RCBTB2: variants seen among roughly 807,000 people sequenced by gnomAD.
The protein encoded by RCBTB2 is RCC1 and BTB domain containing protein 2.
In RCBTB2, 55 loss-of-function variants were observed where a neutral mutation model predicts 65.4. That is an observed-to-expected ratio of 0.84 (90% CI 0.68 to 1.05). The LOEUF (loss-of-function observed/expected upper bound fraction) is 1.05. Ranked by LOEUF, RCBTB2 falls within the 50% of genes least tolerant of loss-of-function variation. RCBTB2 has a pLI of 0.00. For missense variants in RCBTB2, 599 were observed against 680.1 expected (o/e 0.88, Z 1.33); for synonymous variants, 220 against 255.2 (o/e 0.86, Z 1.31).
intron 13 of RCBTB2, among the ~76,000 whole-genome samples, chr13:48,499,111 A>ACACACACACACACACACAC (rs1950107608): frequency 9.4e-6 from 1 of 105,858 alleles, no homozygotes; most frequent in African/African-American, 4.3e-5. Flanking sequence ...CCCCCACCCC[A>ACACACACACACACACACAC]ACACACACAC....
At chr13:48,527,361 T>TATGATATA in intron 1 of RCBTB2, among the ~76,000 whole-genome samples, 2,766 of 112,248 alleles carry the variant, frequency 0.025, 266 homozygotes, top group African/African-American at 0.14. Flanking sequence ...TGATATATAT[T>TATGATATA]TATATATGAT....
At chr13:48,504,837 G>T (rs1950412053) in intron 10 of RCBTB2, among the ~76,000 whole-genome samples, 1 of 152,184 alleles carries the variant, frequency 6.6e-6, no homozygotes, top group Non-Finnish European at 1.5e-5. Flanking sequence ...AACCAGGAGG[G>T]AGGTGTTATC....
At chr13:48,535,867 T>C (rs1952355083), upstream of RCBTB2, 1 of 403,698 alleles carries the variant, frequency 2.5e-6, no homozygotes, top group African/African-American at 2.1e-5. Flanking sequence ...GACTTCTCTA[T>C]CTTCTCGTTC....
intron 10 of RCBTB2, among the ~76,000 whole-genome samples, chr13:48,506,790 C>G (rs1173893361): frequency 2.0e-5 from 3 of 152,212 alleles, no homozygotes; most frequent in Non-Finnish European, 4.4e-5. Context: ...CTCTTCCTTT[C>G]TTCAGATTTT....
chr13:48,512,067 C>T lies in RCBTB2; in HGVS notation c.624G>A (p.Val208=), dbSNP rs1259138688. The part of the protein sequence containing the change: ...VTGCLQNKVV[V]TIACGQMCCM... ...AGCACATCTGCCCACATGCTATGGTCACAACTACTTTATTTTGTAGGCAGC... is the reference window on the plus strand; with the variant it reads ...AGCACATCTGCCCACATGCTATGGTTACAACTACTTTATTTTGTAGGCAGC... The change falls in exon 8 of 15, where the codon GTG becomes GTA. Residue 208 remains valine, a synonymous_variant. Transcript: ENST00000344532. The T allele has an allele frequency of 6.2e-7, 1 of 1,614,230 alleles. No individual in the cohort carries two copies.
intron 1 of RCBTB2, among the ~76,000 whole-genome samples, chr13:48,527,361 T>TTATATATTATATA (rs1212014452): frequency 8.9e-6 from 1 of 112,446 alleles, no homozygotes; most frequent in African/African-American, 5.5e-5. Flanking sequence ...TGATATATAT[T>TTATATATTATATA]TATATATGAT....
chr13:48,514,483 T>C (rs1458996974), intron 6 of RCBTB2, among the ~76,000 whole-genome samples: 2 of 152,276 alleles, frequency 1.3e-5, no homozygotes, highest in Non-Finnish European at 2.9e-5. Context: ...GGGAGACTAC[T>C]GTATATCTGG....
chr13:48,519,440 T>C (rs1951293905), intron 4 of RCBTB2, among the ~76,000 whole-genome samples: 2 of 152,252 alleles, frequency 1.3e-5, no homozygotes, highest in African/African-American at 4.8e-5. Context: ...CAGCCAGCTC[T>C]TACATACCTG....
intron 6 of RCBTB2, 32 bp from the exon 7 acceptor site, chr13:48,512,927 T>A (rs1950886164): frequency 6.4e-7 from 1 of 1,565,128 alleles, no homozygotes; most frequent in East Asian, 2.2e-5. Flanking sequence ...ATCAGTTTTT[T>A]ACAACATCTA....
rs7326934 is a variant in RCBTB2 at position 48,496,376 on chromosome 13, G to C, written c.1385-55C>G. The stretch of plus-strand genomic sequence containing the variant: ...GTGATTTCAAGCATCCTGATTTACA[G>C]TTGCTCACTCAGCCACTCAGAGATG... On this transcript the variant is annotated intron_variant, in intron 13 of 14. Transcript: ENST00000344532. 90,283 of 1,468,780 alleles carry C rather than the reference G, an allele frequency of 0.061. 18,076 individuals are homozygous for C. In the African/African-American group the frequency reaches 0.69, roughly 11 times the overall value. The allele number at this position is 1,468,780 out of a possible 1,614,324, so 91.0% of individuals were successfully genotyped here. A position where few individuals can be genotyped will look rare whatever the true frequency, so the allele number is the denominator to read the frequency against.
At position 48,512,170 on chromosome 13, in the gene RCBTB2, A is replaced by T; in HGVS notation, c.521T>A (p.Phe174Tyr). ...CCCAGAGTTATTATAACCCCAGGCA[A>T]ATACCTGTTTAAAGGAAAGATCAGT... ...SLVLTSDGEV[F>Y]AWGYNNSGQV... The change falls in exon 8 of 15, where the codon TTT becomes TAT. Residue 174 changes from phenylalanine (F) to tyrosine (Y), a missense_variant. Transcript: ENST00000344532. The T allele has an allele frequency of 6.2e-7, 1 of 1,611,990 alleles. No individual in the cohort carries two copies. The highest frequency in any genetic ancestry group is 8.5e-7 in the Non-Finnish European group (1 of 1,178,318).
intron 14 of RCBTB2, among the ~76,000 whole-genome samples, chr13:48,490,510 C>A (rs1949652283): frequency 6.6e-6 from 1 of 152,192 alleles, no homozygotes; most frequent in African/African-American, 2.4e-5. Context: ...CTAACTTTTT[C>A]TTCCCAGAGA....
At chr13:48,521,985 A>C in intron 3 of RCBTB2, 23 bp from the exon 4 acceptor site, 5 of 1,604,660 alleles carry the variant, frequency 3.1e-6, no homozygotes, top group Non-Finnish European at 4.3e-6. Context: ...TATGTGGTAA[A>C]ATCAGGATCC....
intron 14 of RCBTB2, among the ~76,000 whole-genome samples, chr13:48,492,783 T>C (rs564083132): frequency 6.6e-6 from 1 of 152,356 alleles, no homozygotes; most frequent in South Asian, 2.1e-4. Context: ...CCTTATCTCC[T>C]TAACCTCTAA....
chr13:48,491,162 A>G (rs1593567723), intron 14 of RCBTB2, among the ~76,000 whole-genome samples: 1 of 152,210 alleles, frequency 6.6e-6, no homozygotes, highest in Admixed American at 6.5e-5. Context: ...AATACTTTCT[A>G]AGCAATTACA....
chr13:48,518,470 A>ATATAT (rs1448523661), intron 4 of RCBTB2, among the ~76,000 whole-genome samples: 14 of 130,824 alleles, frequency 1.1e-4, no homozygotes, highest in African/African-American at 2.7e-4. Context: ...AAAAAAAAAA[A>ATATAT]AAATATATAT....
intron 12 of RCBTB2, among the ~76,000 whole-genome samples, chr13:48,501,346 C>T (rs1395275575): frequency 6.6e-6 from 1 of 152,150 alleles, no homozygotes. Flanking sequence ...TTTCTTAAAC[C>T]ATCTAAAAGT....
At chr13:48,504,694 T>C (rs987321151) in intron 10 of RCBTB2, among the ~76,000 whole-genome samples, 2 of 152,206 alleles carry the variant, frequency 1.3e-5, no homozygotes, top group African/African-American at 4.8e-5. Flanking sequence ...CTGAATATAA[T>C]CTATGGGTCA....
upstream of RCBTB2, among the ~76,000 whole-genome samples, chr13:48,533,796 A>G (rs537932783): frequency 6.6e-6 from 1 of 152,380 alleles, no homozygotes; most frequent in African/African-American, 2.4e-5. Context: ...CCACTGCACT[A>G]CACTTAAATT....
Sources: gnomAD v4.1 joint callset for allele counts (sites outside exome capture counted in the v4.1 genomes callset) on GRCh38, gnomAD v4.1.1 for gene constraint, MANE v1.5 for transcripts, NCBI Gene and HGNC (gene_info 2026-07-23, HGNC 2026-07-21) for gene names.